TEAD1: variants seen among roughly 807,000 people sequenced by gnomAD.
The protein encoded by TEAD1 is transcriptional enhancer factor TEF-1.
Under a neutral mutation model 54.9 loss-of-function variants are expected in TEAD1, and 9 were observed. The ratio of observed to expected loss-of-function variants is 0.16; its 90% CI spans 0.10 to 0.29. The LOEUF is 0.29. Among genes scored for constraint, TEAD1 ranks in the 10% least tolerant of loss-of-function variants. TEAD1 has a pLI of 1.00. For missense variants in TEAD1, 387 were observed against 535.9 expected, an observed-to-expected ratio of 0.72 and a Z score of 2.74; for synonymous variants, 200 against 187.8, an observed-to-expected ratio of 1.07 and a Z score of -0.53.
At chr11:12,711,298 C>T (rs1264783998) in intron 2 of TEAD1, among the ~76,000 whole-genome samples, 3 of 152,072 alleles carry the variant, frequency 2.0e-5, no homozygotes, top group Non-Finnish European at 4.4e-5. Flanking sequence ...GAAATCCTGG[C>T]TAGAGCAGGA....
intron 2 of TEAD1, among the ~76,000 whole-genome samples, chr11:12,712,497 C>T (rs1197834267): frequency 6.6e-6 from 1 of 152,144 alleles, no homozygotes; most frequent in Non-Finnish European, 1.5e-5. Flanking sequence ...CTGTTGCTGC[C>T]CTCAGTTGGT....
At chr11:12,879,362 T>C (rs1947919517) in intron 5 of TEAD1, 3 of 557,604 alleles carry the variant, frequency 5.4e-6, no homozygotes, top group Non-Finnish European at 9.6e-6. Flanking sequence ...CCTTTATTTT[T>C]TTTTCTTCCT....
chr11:12,846,879 C>G (rs887739235), intron 3 of TEAD1, among the ~76,000 whole-genome samples: 1 of 152,218 alleles, frequency 6.6e-6, no homozygotes. Context: ...GGGAACAAAA[C>G]AGCCACATGT....
At chr11:12,835,632 T>C (rs952744069) in intron 3 of TEAD1, among the ~76,000 whole-genome samples, 1 of 152,064 alleles carries the variant, frequency 6.6e-6, no homozygotes, top group African/African-American at 2.4e-5. Flanking sequence ...TCTGAGGTTT[T>C]TAAATGGTAA....
In TEAD1 at chr11:12,930,251, C is replaced by T; in HGVS notation, c.1092C>T (p.Asn364=). Residue 364 remains asparagine, a synonymous_variant, in exon 12 of 13, where the codon AAC becomes AAT. Coordinates refer to ENST00000527636, the MANE Select transcript of TEAD1 (RefSeq NM_021961.6). ...CCCCAATGTGTGAATATATGATCAA[C>T]TTCATCCACAAGCTCAAACACTTAC... 2 of 1,614,220 alleles carry T rather than the reference C, an allele frequency of 1.2e-6. No individual in the cohort carries two copies. Among genetic ancestry groups the T allele is most frequent in the Non-Finnish European group, 1.7e-6 (2 of 1,180,032 alleles).
chr11:12,821,961 C>CTTTTTTTTTCTTTTTTTTTTTTTT (rs1946557105), intron 3 of TEAD1, among the ~76,000 whole-genome samples: 1 of 68,084 alleles, frequency 1.5e-5, no homozygotes, highest in Non-Finnish European at 2.5e-5. Context: ...TTCTCTTTTC[C>CTTTTTTTTTCTTTTTTTTTTTTTT]TTTTTTTTTT....
chr11:12,691,405 A>G (rs1422585205), intron 2 of TEAD1, among the ~76,000 whole-genome samples: 1 of 152,154 alleles, frequency 6.6e-6, no homozygotes, highest in Non-Finnish European at 1.5e-5. Flanking sequence ...TTTCTAGGCT[A>G]TGATGTGTGT....
chr11:12,862,226 A>G (rs763099381), intron 3 of TEAD1, 24 bp from the exon 4 acceptor site: 9 of 1,608,142 alleles, frequency 5.6e-6, no homozygotes, highest in Admixed American at 1.7e-5. Context: ...AACCCACCTC[A>G]TGGTAAATTC....
intron 12 of TEAD1, among the ~76,000 whole-genome samples, chr11:12,932,963 A>C (rs2134173543): frequency 6.6e-6 from 1 of 152,338 alleles, no homozygotes; most frequent in Admixed American, 6.5e-5. Flanking sequence ...GTGTTGTAAT[A>C]GCCTACAGTA....
At chr11:12,907,239 C>G (rs1322301650) in intron 10 of TEAD1, among the ~76,000 whole-genome samples, 1 of 152,122 alleles carries the variant, frequency 6.6e-6, no homozygotes, top group Non-Finnish European at 1.5e-5. Flanking sequence ...GTGTGTGTAA[C>G]GTATGCTTCA....
chr11:12,830,931 C>T (rs1014375021), intron 3 of TEAD1, among the ~76,000 whole-genome samples: 4 of 152,148 alleles, frequency 2.6e-5, no homozygotes, highest in Non-Finnish European at 5.9e-5. Flanking sequence ...CTCCCTCTGG[C>T]TGGGTTTACG....
chr11:12,892,604 A>G (rs1948219289), intron 9 of TEAD1, among the ~76,000 whole-genome samples: 1 of 152,186 alleles, frequency 6.6e-6, no homozygotes, highest in South Asian at 2.1e-4. Flanking sequence ...AGATCGCGCC[A>G]TTGCTCTCCA....
intron 3 of TEAD1, among the ~76,000 whole-genome samples, chr11:12,843,972 T>C (rs1410486969): frequency 2.0e-5 from 3 of 152,228 alleles, no homozygotes; most frequent in Non-Finnish European, 2.9e-5. Flanking sequence ...ATAAATTACC[T>C]TGTTGCTTAA....
At chr11:12,800,784 T>C (rs1292386224) in intron 3 of TEAD1, among the ~76,000 whole-genome samples, 1 of 152,208 alleles carries the variant, frequency 6.6e-6, no homozygotes, top group African/African-American at 2.4e-5. Flanking sequence ...TCCTCCCTTC[T>C]CTGCCCCCAA....
rs1949139358 is a variant in TEAD1, at chr11:12,939,373, A to AGGAGTTT, written c.*2152_*2158dup. ...GGAAGCCCCATCCTCTCCCAGGACC[A>AGGAGTTT]GGAGTTTATGACCAGGCGAGCACAA... On this transcript the variant is annotated 3_prime_UTR_variant, in exon 13 of 13. Transcript: ENST00000527636. The AGGAGTTT allele has an allele frequency of 6.6e-6, 1 of 152,356 alleles. No homozygotes were observed. The highest frequency in any genetic ancestry group is 1.5e-5 in the Non-Finnish European group (1 of 68,150). 9.4% of individuals were successfully genotyped at this position (152,356 alleles called of 1,614,324 possible). A position where few individuals can be genotyped will look rare whatever the true frequency, so the allele number is the denominator to read the frequency against.
intron 2 of TEAD1, among the ~76,000 whole-genome samples, chr11:12,717,481 G>T (rs1944089845): frequency 6.6e-6 from 1 of 152,196 alleles, no homozygotes; most frequent in African/African-American, 2.4e-5. Flanking sequence ...AATCAAGTTT[G>T]CATGTGTGCC....
At chr11:12,760,057 C>A (rs573453016) in intron 2 of TEAD1, among the ~76,000 whole-genome samples, 56 of 152,320 alleles carry the variant, frequency 3.7e-4, no homozygotes, top group Non-Finnish European at 6.6e-4. Flanking sequence ...TCTATGCAGT[C>A]ATTTGAAGAC....
intron 2 of TEAD1, among the ~76,000 whole-genome samples, chr11:12,744,142 CATT>C (rs1944701063): frequency 6.6e-6 from 1 of 152,166 alleles, no homozygotes; most frequent in African/African-American, 2.4e-5. Context: ...GACAGTGTCA[CATT>C]AGAATTTAGG....
intron 2 of TEAD1, among the ~76,000 whole-genome samples, chr11:12,709,426 G>T (rs1312285919): frequency 2.0e-5 from 3 of 151,272 alleles, no homozygotes; most frequent in African/African-American, 7.3e-5. Context: ...TTTTTTTAAA[G>T]ATGTGGTCTT....
Sources: allele counts gnomAD v4.1 joint callset (sites outside exome capture counted in the v4.1 genomes callset), GRCh38; gene constraint gnomAD v4.1.1; transcripts MANE v1.5; gene names NCBI Gene and HGNC (gene_info 2026-07-23, HGNC 2026-07-21).